The following INO80 variants were observed in gnomAD, a reference collection of about 807,000 sequenced individuals.
INO80 encodes INO80 complex ATPase subunit, also known as chromatin-remodeling ATPase INO80.
A neutral mutation model predicts 203.4 loss-of-function variants in INO80; 20 were observed. The ratio of observed to expected loss-of-function variants is 0.10; its 90% CI spans 0.07 to 0.14. The LOEUF is 0.14. INO80 is among the 10% of genes least tolerant of loss of function. The probability of loss-of-function intolerance (pLI) is 1.00; values close to 1 mark genes in which losing one functional copy is unlikely to be tolerated. For missense variants in INO80, 1,419 were observed against 1,914.4 expected (o/e 0.74, Z 4.83); for synonymous variants, 726 against 685.2 (o/e 1.06, Z -0.93).
chr15:41,052,773 C>A (rs2044901365), intron 19 of INO80, among the ~76,000 whole-genome samples: 1 of 149,806 alleles, frequency 6.7e-6, no homozygotes, highest in African/African-American at 2.5e-5. Context: ...ACCTGTAATC[C>A]TAGCACTTTC....
chr15:41,106,034 G>A (rs1596331170), intron 1 of INO80, among the ~76,000 whole-genome samples: 1 of 152,158 alleles, frequency 6.6e-6, no homozygotes, highest in East Asian at 1.9e-4. Flanking sequence ...GAGGCAGGAG[G>A]ACTGCTTGAG....
intron 29 of INO80, among the ~76,000 whole-genome samples, chr15:40,997,285 A>T (rs1036703083): frequency 1.3e-5 from 2 of 152,196 alleles, no homozygotes; most frequent in East Asian, 3.8e-4. Flanking sequence ...CTCAAAAAAC[A>T]AAAACAAAAA....
chr15:41,033,422 C>T (rs4924534), intron 24 of INO80, among the ~76,000 whole-genome samples: 134,054 of 150,828 alleles, frequency 0.89, 61,537 homozygotes, highest in East Asian at 1. Context: ...TAATCTCAAA[C>T]TCCTGGACTC....
intron 27 of INO80, chr15:41,011,661 C>T (rs559275535): frequency 2.6e-5 from 4 of 152,026 alleles, no homozygotes; most frequent in African/African-American, 9.6e-5. Flanking sequence ...TGTGCCAATC[C>T]AATTTGCTTT....
At chr15:40,986,052 C>T (rs1319220956) in intron 31 of INO80, among the ~76,000 whole-genome samples, 1 of 152,186 alleles carries the variant, frequency 6.6e-6, no homozygotes, top group African/African-American at 2.4e-5. Context: ...AACTTACTTT[C>T]TGCTCTAATG....
At chr15:41,086,469 G>C (rs796649522) in intron 6 of INO80, among the ~76,000 whole-genome samples, 15 of 152,142 alleles carry the variant, frequency 9.9e-5, no homozygotes, top group African/African-American at 3.6e-4. Flanking sequence ...TGGCCAACAT[G>C]GTGAAACCCC....
intron 1 of INO80, among the ~76,000 whole-genome samples, chr15:41,105,169 A>G (rs749039183): frequency 2.0e-4 from 31 of 152,226 alleles, no homozygotes; most frequent in Non-Finnish European, 3.8e-4. Flanking sequence ...CTTTCACTCT[A>G]TTAACTATGT....
intron 27 of INO80, among the ~76,000 whole-genome samples, chr15:41,012,065 A>T (rs1485914449): frequency 1.3e-5 from 2 of 152,236 alleles, no homozygotes; most frequent in African/African-American, 4.8e-5. Context: ...CAGTTGCTAG[A>T]TGCAATAGGA....
chr15:41,002,331 A>G (rs2043969734), intron 28 of INO80, among the ~76,000 whole-genome samples: 1 of 152,208 alleles, frequency 6.6e-6, no homozygotes, highest in Admixed American at 6.5e-5. Flanking sequence ...TTAGAGCTAA[A>G]CTTTTCAAAA....
chr15:41,092,206 G>A, intron 4 of INO80, 24 bp from the exon 5 acceptor site: 1 of 1,559,552 alleles, frequency 6.4e-7, no homozygotes, highest in Non-Finnish European at 8.8e-7. Context: ...AAATAGAAAT[G>A]TATCTTTTGC....
intron 21 of INO80, 142 bp from the exon 22 acceptor site, chr15:41,048,418 C>A (rs2044805640): frequency 1.6e-6 from 1 of 611,070 alleles, no homozygotes; most frequent in Non-Finnish European, 2.9e-6. Context: ...TATTACCAGG[C>A]AAAAATCATA....
At chr15:41,038,252 C>T (rs1403074856) in intron 24 of INO80, among the ~76,000 whole-genome samples, 2 of 151,630 alleles carry the variant, frequency 1.3e-5, no homozygotes, top group East Asian at 2.0e-4. Context: ...TCAGGTGATC[C>T]GCCCACCTCA....
At chr15:41,050,990 G>A (rs1312378113) in intron 19 of INO80, among the ~76,000 whole-genome samples, 1 of 151,860 alleles carries the variant, frequency 6.6e-6, no homozygotes, top group Non-Finnish European at 1.5e-5. Flanking sequence ...TTAGCAGGGT[G>A]TGGTACCACG....
Position 41,055,337 on chromosome 15 carries a change from G to C in INO80, c.2098C>G (p.Pro700Ala), listed in dbSNP as rs1397142173. The change falls in exon 18 of 36, where the codon CCA becomes GCA. Residue 700 changes from proline to alanine, a missense_variant. Coordinates refer to ENST00000648947, the MANE Select transcript of INO80 (RefSeq NM_017553.3). ...TCCTCATGTGAATCAAATAATGTTG[G>C]CATAATGAAATGCAGCAGAGCCCAA... is the stretch of plus-strand genomic sequence containing the variant. ...ELWALLHFIM[P>A]TLFDSHEEFN... is the part of the protein sequence containing the mutation. 1 of 1,611,938 alleles carries C rather than the reference G, an allele frequency of 6.2e-7. No homozygotes were observed. The highest frequency in any genetic ancestry group is 8.5e-7 in the Non-Finnish European group (1 of 1,179,050).
intron 24 of INO80, among the ~76,000 whole-genome samples, chr15:41,030,660 C>T (rs1176064861): frequency 6.6e-6 from 1 of 151,656 alleles, no homozygotes; most frequent in Admixed American, 6.6e-5. Flanking sequence ...CCACACCTGG[C>T]CAACATTCAC....
chr15:41,008,396 T>C (rs1216738660), intron 27 of INO80, among the ~76,000 whole-genome samples: 2 of 151,836 alleles, frequency 1.3e-5, no homozygotes. Context: ...CTCATAAAAG[T>C]AGAGAGTAGA....
intron 24 of INO80, among the ~76,000 whole-genome samples, chr15:41,028,636 C>T (rs187592395): frequency 6.6e-6 from 1 of 152,264 alleles, no homozygotes; most frequent in African/African-American, 2.4e-5. Context: ...TTTAGGTGAT[C>T]ACCTGAGGTC....
chr15:41,100,167 C>G (rs982002943), intron 1 of INO80, among the ~76,000 whole-genome samples: 1 of 152,010 alleles, frequency 6.6e-6, no homozygotes, highest in Non-Finnish European at 1.5e-5. Context: ...CTCTGCCTCC[C>G]AGGTTCACGC....
Position 40,979,464 on chromosome 15 carries a change from ACT to A in INO80, c.*757_*758del, listed in dbSNP as rs928620781. ...TGTGCATTCAGGATGGGCAAAGGGG[ACT>A]CTGCAAGAGGGGCAGTGAGGCTGTC... On this transcript the variant is annotated 3_prime_UTR_variant, in exon 36 of 36. Transcript: ENST00000648947. 3.9e-5 allele frequency: 6 copies of A among 153,176 alleles called. No homozygotes were observed. Among genetic ancestry groups the A allele is most frequent in the African/African-American group, 1.5e-4 (6 of 41,058 alleles). The allele number at this position is 153,176 out of a possible 1,614,324, so 9.5% of individuals were successfully genotyped here. A position where few individuals can be genotyped will look rare whatever the true frequency, so the allele number is the denominator to read the frequency against.
Sources: allele counts gnomAD v4.1 joint callset (sites outside exome capture counted in the v4.1 genomes callset), GRCh38; gene constraint gnomAD v4.1.1; transcripts MANE v1.5; gene names NCBI Gene and HGNC (gene_info 2026-07-23, HGNC 2026-07-21).